Variants in RBFOX2 observed in about 807,000 individuals in gnomAD.
RBFOX2 encodes the protein RNA binding protein fox-1 homolog 2.
In RBFOX2, 10 loss-of-function variants were observed where a neutral mutation model predicts 49.1. That is an observed-to-expected ratio of 0.20 (90% CI 0.13 to 0.35). RBFOX2 has a LOEUF of 0.35. RBFOX2 is among the 10% of genes least tolerant of loss of function. The pLI is 1.00. For synonymous variants in RBFOX2, 183 were observed against 187.4 expected (o/e 0.98, Z 0.19); for missense variants, 323 against 486.9 (o/e 0.66, Z 3.17).
intron 1 of RBFOX2, among the ~76,000 whole-genome samples, chr22:35,839,327 ATGACT>A (rs775158333): frequency 1.4e-4 from 21 of 151,610 alleles, no homozygotes; most frequent in Non-Finnish European, 2.5e-4. Flanking sequence ...TTTGTCAGGA[ATGACT>A]TGCTAAAATG....
intron 2 of RBFOX2, among the ~76,000 whole-genome samples, chr22:35,803,139 T>C (rs1950076991): frequency 7.0e-6 from 1 of 143,616 alleles, no homozygotes; most frequent in Non-Finnish European, 1.5e-5. Context: ...TATGGGCAAA[T>C]TACTTAAAAC....
upstream of RBFOX2, chr22:35,939,172 G>C (rs767571499): frequency 2.1e-4 from 129 of 611,468 alleles, 1 homozygote; most frequent in Non-Finnish European, 3.7e-4. Flanking sequence ...CTTAGGCAGG[G>C]TGCTACTGCG....
chr22:35,942,876 C>T (rs1406758174), upstream of RBFOX2, among the ~76,000 whole-genome samples: 1 of 152,152 alleles, frequency 6.6e-6, no homozygotes, highest in Non-Finnish European at 1.5e-5. Flanking sequence ...GTAAAATTCA[C>T]ATATGACTTA....
chr22:35,964,647 C>T (rs2056451175), upstream of RBFOX2, among the ~76,000 whole-genome samples: 1 of 152,138 alleles, frequency 6.6e-6, no homozygotes, highest in Non-Finnish European at 1.5e-5. Flanking sequence ...AGGATCTATA[C>T]ATTAGATTTA....
intron 1 of RBFOX2, among the ~76,000 whole-genome samples, chr22:36,001,871 C>G (rs1221408844): frequency 6.6e-6 from 1 of 152,114 alleles, no homozygotes; most frequent in Admixed American, 6.5e-5. Context: ...CGAGACCAGC[C>G]TGGCCAACAT....
At chr22:35,762,162 T>C (rs1000894722) in intron 6 of RBFOX2, among the ~76,000 whole-genome samples, 3 of 152,254 alleles carry the variant, frequency 2.0e-5, no homozygotes, top group African/African-American at 7.2e-5. Flanking sequence ...AACACCAGAA[T>C]ACTGTGGAAC....
At chr22:35,893,048 A>G (rs1361088926) in intron 1 of RBFOX2, among the ~76,000 whole-genome samples, 1 of 152,274 alleles carries the variant, frequency 6.6e-6, no homozygotes, top group Non-Finnish European at 1.5e-5. Context: ...GGGCTAGATG[A>G]CACAAATAAT....
chr22:36,028,385 C>G (rs1165970803), exon 1 of RBFOX2: 8 of 1,313,530 alleles, frequency 6.1e-6, no homozygotes, highest in Non-Finnish European at 7.7e-6. Context: ...GGCGCCGGGC[C>G]CGAGCTGAGG....
At chr22:35,907,572 G>A (rs2049264214) in intron 1 of RBFOX2, among the ~76,000 whole-genome samples, 1 of 152,154 alleles carries the variant, frequency 6.6e-6, no homozygotes, top group Non-Finnish European at 1.5e-5. Context: ...GTGGGGAAGA[G>A]GAGATTGTTA....
At chr22:35,743,810 T>A (rs1035187682) in exon 12 of RBFOX2, 5 of 164,082 alleles carry the variant, frequency 3.0e-5, no homozygotes, top group Non-Finnish European at 6.6e-5. Flanking sequence ...GGTAATTCTG[T>A]CTGCTGATTT....
chr22:35,761,437 T>C (rs770809544), exon 7 of RBFOX2: 17 of 1,614,064 alleles, frequency 1.1e-5, no homozygotes, highest in Non-Finnish European at 1.4e-5. Context: ...CCGGACCATA[T>C]ACAGCTCCAA....
chr22:35,795,232 G>A (rs956177149), intron 2 of RBFOX2, among the ~76,000 whole-genome samples: 3 of 152,052 alleles, frequency 2.0e-5, no homozygotes, highest in Non-Finnish European at 2.9e-5. Flanking sequence ...AATGTACCCT[G>A]CCTTTTATTA....
chr22:35,848,240 T>A (rs1479650980), intron 1 of RBFOX2, among the ~76,000 whole-genome samples: 3 of 152,174 alleles, frequency 2.0e-5, no homozygotes, highest in Non-Finnish European at 4.4e-5. Flanking sequence ...CTCATAACAC[T>A]TCCAGCCTTA....
intron 4 of RBFOX2, among the ~76,000 whole-genome samples, chr22:35,774,002 C>T (rs1943307204): frequency 6.6e-6 from 1 of 152,200 alleles, no homozygotes; most frequent in South Asian, 2.1e-4. Flanking sequence ...GAAAATAAGA[C>T]TAGAAGGATA....
intron 1 of RBFOX2, among the ~76,000 whole-genome samples, chr22:36,025,055 G>A (rs1357692392): frequency 1.3e-5 from 2 of 152,068 alleles, no homozygotes; most frequent in East Asian, 1.9e-4. Context: ...CGATCCACCC[G>A]CCTCAGTCTC....
chr22:35,967,410 C>CT (rs2056626829), intron 1 of RBFOX2, among the ~76,000 whole-genome samples: 1 of 149,356 alleles, frequency 6.7e-6, no homozygotes, highest in Non-Finnish European at 1.5e-5. Context: ...AAATACCCTA[C>CT]CAAAAAAAAA....
chr22:35,807,491 T>A (rs182241677), intron 2 of RBFOX2, among the ~76,000 whole-genome samples: 197 of 151,826 alleles, frequency 1.3e-3, no homozygotes, highest in African/African-American at 4.7e-3. Flanking sequence ...AACATACTCC[T>A]ATGCAACCCA....
intron 1 of RBFOX2, among the ~76,000 whole-genome samples, chr22:35,927,244 C>A (rs113642972): frequency 6.6e-6 from 1 of 152,108 alleles, no homozygotes; most frequent in East Asian, 1.9e-4. Flanking sequence ...ACATTTCAAA[C>A]GAAAGGCATT....
chr22:35,843,368 C>T (rs902804683), upstream of RBFOX2, among the ~76,000 whole-genome samples: 2 of 152,098 alleles, frequency 1.3e-5, no homozygotes, highest in South Asian at 2.1e-4. Flanking sequence ...GTGTCTGGGA[C>T]GTGGTAAGTA....
Sources: allele counts gnomAD v4.1 joint callset (sites outside exome capture counted in the v4.1 genomes callset), GRCh38; gene constraint gnomAD v4.1.1; transcripts MANE v1.5; gene names NCBI Gene and HGNC (gene_info 2026-07-23, HGNC 2026-07-21).